Variants in FLRT2 observed in about 807,000 individuals in gnomAD.
FLRT2 encodes leucine-rich repeat transmembrane protein FLRT2.
A neutral mutation model predicts 40.0 loss-of-function variants in FLRT2; 15 were observed. The ratio of observed to expected loss-of-function variants is 0.38; its 90% CI spans 0.25 to 0.58. FLRT2 has a LOEUF of 0.58. Among genes scored for constraint, FLRT2 ranks in the 20% least tolerant of loss-of-function variants. FLRT2 has a pLI of 0.71. For missense variants in FLRT2, 726 were observed against 840.0 expected, an observed-to-expected ratio of 0.86 and a Z score of 1.68; for synonymous variants, 380 against 336.8, an observed-to-expected ratio of 1.13 and a Z score of -1.41.
intron 1 of FLRT2, among the ~76,000 whole-genome samples, chr14:85,578,577 T>G (rs1891236234): frequency 6.6e-6 from 1 of 152,068 alleles, no homozygotes; most frequent in Non-Finnish European, 1.5e-5. Context: ...AGGCCTGACC[T>G]CAGGACAAAG....
intron 1 of FLRT2, among the ~76,000 whole-genome samples, chr14:85,533,190 G>T (rs1445697067): frequency 6.6e-6 from 1 of 152,066 alleles, no homozygotes; most frequent in African/African-American, 2.4e-5. Context: ...CTCCAGGAGC[G>T]GAGCGCGCCA....
Position 85,652,069 on chromosome 14 carries a change from T to C in FLRT2, c.*28572T>C, listed in dbSNP as rs1256804260. On this transcript the variant is annotated 3_prime_UTR_variant, in exon 2 of 2. Coordinates refer to ENST00000330753, the MANE Select transcript of FLRT2 (RefSeq NM_013231.6). ...GATAATTCTCATTAAATCAGCTGTTTATTAAAAAAAGCAATGAGCAAGGAA... is the reference window on the plus strand; with the variant it reads ...GATAATTCTCATTAAATCAGCTGTTCATTAAAAAAAGCAATGAGCAAGGAA... 6.6e-6 allele frequency: 1 copy of C among 152,038 alleles called. No individual in the cohort carries two copies. Among genetic ancestry groups the C allele is most frequent in the Non-Finnish European group, 1.5e-5 (1 of 67,960 alleles). The allele number at this position is 152,038 out of a possible 1,614,324, so 9.4% of individuals were successfully genotyped here. A position where few individuals can be genotyped will look rare whatever the true frequency, so the allele number is the denominator to read the frequency against.
intron 1 of FLRT2, among the ~76,000 whole-genome samples, chr14:85,571,501 G>A (rs921755547): frequency 2.6e-5 from 4 of 152,256 alleles, no homozygotes; most frequent in South Asian, 4.1e-4. Context: ...TGTTCCCTTC[G>A]ATTGACATGC....
rs1479108528 is a variant in FLRT2 at position 85,629,181 on chromosome 14, A to T, written c.*5684A>T. 1.3e-5 allele frequency: 2 copies of T among 152,160 alleles called. No homozygotes were observed. 9.4% of individuals were successfully genotyped at this position (152,160 alleles called of 1,614,324 possible). ...AGAGCCTGCATAATCACTTTATACT[A>T]CTTCATTAAATTGACAGGACATCTA... On this transcript the variant is annotated 3_prime_UTR_variant, in exon 2 of 2. Coordinates refer to ENST00000330753, the MANE Select transcript of FLRT2 (RefSeq NM_013231.6).
chr14:85,547,742 C>A (rs1430697114), intron 1 of FLRT2, among the ~76,000 whole-genome samples: 1 of 152,158 alleles, frequency 6.6e-6, no homozygotes, highest in African/African-American at 2.4e-5. Context: ...ACCCATGACA[C>A]AGCCTCAGGA....
At chr14:85,593,873 C>G (rs1231444536) in intron 1 of FLRT2, among the ~76,000 whole-genome samples, 1 of 152,028 alleles carries the variant, frequency 6.6e-6, no homozygotes, top group Non-Finnish European at 1.5e-5. Flanking sequence ...GAAACCCCAT[C>G]TTTACTAAAA....
rs1165476140 is a variant in FLRT2 at position 85,568,743 on chromosome 14, A to G, written c.-377+38209A>G. The stretch of plus-strand genomic sequence containing the variant: ...CCAACCTTGGCTGCTCTCTCTCCCT[A>G]TTTCTGGGATCTTTACCTTTCTTCT... On this transcript the variant is annotated intron_variant, in intron 1 of 1. Transcript: ENST00000330753. Among the ~76,000 whole-genome samples, 3 of 152,000 alleles carry G rather than the reference A, an allele frequency of 2.0e-5. No individual in the cohort carries two copies. The East Asian group carries it at 5.8e-4, about 29-fold the overall frequency.
At chr14:85,620,883 T>A (rs1893349009) in intron 1 of FLRT2, among the ~76,000 whole-genome samples, 1 of 152,200 alleles carries the variant, frequency 6.6e-6, no homozygotes, top group African/African-American at 2.4e-5. Flanking sequence ...AGGTACTGAT[T>A]AGGATGTTAA....
At position 85,628,716 on chromosome 14, in the gene FLRT2, C is replaced by T. The variant is rs1893795311; in HGVS notation, c.*5219C>T. 6.6e-6 allele frequency: 1 copy of T among 152,158 alleles called. No individual in the cohort carries two copies. The highest frequency in any genetic ancestry group is 2.4e-5 in the African/African-American group (1 of 41,436). 9.4% of individuals were successfully genotyped at this position (152,158 alleles called of 1,614,324 possible). A position where few individuals can be genotyped will look rare whatever the true frequency, so the allele number is the denominator to read the frequency against. The stretch of plus-strand genomic sequence containing the variant: ...CTAGTATTACCTGTTTGTAGAATCT[C>T]TGTTGGAACATTGACTATGAAAGAC... On this transcript the variant is annotated 3_prime_UTR_variant, in exon 2 of 2. Coordinates refer to ENST00000330753, the MANE Select transcript of FLRT2 (RefSeq NM_013231.6).
At chr14:85,560,354 G>A (rs780498520) in intron 1 of FLRT2, among the ~76,000 whole-genome samples, 7 of 151,964 alleles carry the variant, frequency 4.6e-5, no homozygotes, top group African/African-American at 9.7e-5. Flanking sequence ...TGAGGAGGGC[G>A]GATCACGAGG....
At chr14:85,560,680 CACAGA>C (rs750368092) in intron 1 of FLRT2, among the ~76,000 whole-genome samples, 2 of 151,484 alleles carry the variant, frequency 1.3e-5, no homozygotes, top group Non-Finnish European at 2.9e-5. Flanking sequence ...AGTCTTCACA[CACAGA>C]ATGTATGCTG....
In FLRT2 at chr14:85,621,488, A is replaced by G. The variant is rs755973823; in HGVS notation, c.-27A>G. ...TTTTTCTTTTTCTTTTTCCCACCAC[A>G]TTGTATTTTATTTCCGTACTTCAGA... On this transcript the variant is annotated 5_prime_UTR_variant, in exon 2 of 2. Transcript: ENST00000330753. The G allele has an allele frequency of 6.5e-6, 10 of 1,544,888 alleles. No individual in the cohort carries two copies. The highest frequency in any genetic ancestry group is 6.1e-5 in the South Asian group (5 of 82,242).
intron 1 of FLRT2, among the ~76,000 whole-genome samples, chr14:85,538,052 C>G (rs1035040166): frequency 6.6e-6 from 1 of 152,146 alleles, no homozygotes; most frequent in Non-Finnish European, 1.5e-5. Flanking sequence ...AAGTCCTTCT[C>G]TTGCAAGCCT....
At chr14:85,565,415 G>T (rs578131430) in intron 1 of FLRT2, among the ~76,000 whole-genome samples, 1 of 152,120 alleles carries the variant, frequency 6.6e-6, no homozygotes, top group South Asian at 2.1e-4. Context: ...TTGTTTTATT[G>T]GGCTGGATGT....
intron 1 of FLRT2, among the ~76,000 whole-genome samples, chr14:85,557,967 AAC>A (rs1890076408): frequency 1.3e-5 from 2 of 148,840 alleles, no homozygotes; most frequent in African/African-American, 5.2e-5. Flanking sequence ...CAGGAAATGA[AAC>A]ACGTAATGTA....
At position 85,614,676 on chromosome 14, in the gene FLRT2, A is replaced by C. The variant is rs529329304; in HGVS notation, c.-376-6463A>C. Among the ~76,000 whole-genome samples, 176 of 151,796 alleles carry C rather than the reference A, an allele frequency of 1.2e-3. 2 individuals carry two copies. Among genetic ancestry groups the C allele is most frequent in the Middle Eastern group, 6.8e-3 (2 of 294 alleles). ...GCAGACCTATGAAACCACAATCTGC[A>C]GGGGTGGGGCCCAGAAACCTTCATT... is the stretch of plus-strand genomic sequence containing the variant. On this transcript the variant is annotated intron_variant, in intron 1 of 1. Transcript: ENST00000330753.
intron 1 of FLRT2, among the ~76,000 whole-genome samples, chr14:85,533,472 G>T (rs1888425681): frequency 6.6e-6 from 1 of 151,984 alleles, no homozygotes; most frequent in African/African-American, 2.4e-5. Context: ...ACACGCGTCG[G>T]AGGAGAGCCC....
At chr14:85,567,571 G>T (rs1490831849) in intron 1 of FLRT2, among the ~76,000 whole-genome samples, 1 of 151,790 alleles carries the variant, frequency 6.6e-6, no homozygotes, top group Non-Finnish European at 1.5e-5. Context: ...GTGTTTGTGA[G>T]GATTGAAAGA....
At chr14:85,533,676 C>T (rs1262863657) in intron 1 of FLRT2, among the ~76,000 whole-genome samples, 1 of 152,074 alleles carries the variant, frequency 6.6e-6, no homozygotes, top group Non-Finnish European at 1.5e-5. Flanking sequence ...AGTGGCATGC[C>T]CGAACCCTGG....
Sources: allele counts gnomAD v4.1 joint callset (sites outside exome capture counted in the v4.1 genomes callset), GRCh38; gene constraint gnomAD v4.1.1; transcripts MANE v1.5; gene names NCBI Gene and HGNC (gene_info 2026-07-23, HGNC 2026-07-21).